The following FRAS1 variants were observed in gnomAD, a reference collection of about 807,000 sequenced individuals.
FRAS1 encodes the protein Fraser extracellular matrix complex subunit 1.
FRAS1 carries 290 observed loss-of-function variants against 435.2 expected under a neutral mutation model. The observed-to-expected ratio is 0.67, with a 90% CI of 0.61 to 0.73. The LOEUF is 0.73. Among genes scored for constraint, FRAS1 ranks in the 30% least tolerant of loss-of-function variants. The pLI is 0.00. For missense variants in FRAS1, 4,860 were observed against 5,001.5 expected, an observed-to-expected ratio of 0.97 and a Z score of 0.85; for synonymous variants, 1,800 against 1,851.0, an observed-to-expected ratio of 0.97 and a Z score of 0.71.
intron 40 of FRAS1, among the ~76,000 whole-genome samples, chr4:78,440,746 A>G (rs1471794199): frequency 6.6e-6 from 1 of 152,200 alleles, no homozygotes; most frequent in Non-Finnish European, 1.5e-5. Flanking sequence ...GAGAATGCCT[A>G]TAGGACACAG....
intron 2 of FRAS1, among the ~76,000 whole-genome samples, chr4:78,182,843 G>C (rs1429560761): frequency 6.9e-6 from 1 of 145,372 alleles, no homozygotes; most frequent in Non-Finnish European, 1.5e-5. Flanking sequence ...TCGTGCCACT[G>C]CACTCCAGCC....
At position 78,402,959 on chromosome 4, in the gene FRAS1, T is replaced by C. The variant is rs1732954746; in HGVS notation, c.4129+2072T>C. Among the ~76,000 whole-genome samples the C allele has an allele frequency of 2.0e-5, 3 of 152,180 alleles. No homozygotes were observed. In the South Asian group the frequency reaches 6.2e-4, roughly 32 times the overall value. On this transcript the variant is annotated intron_variant, in intron 30 of 73. Transcript: ENST00000512123. ...GTGCATCATCAGGAGGTACATAATC[T>C]CACTGCGTCTTATGACAGGTGATGT...
Position 78,508,737 on chromosome 4 carries a change from A to G in FRAS1, c.9511A>G (p.Thr3171Ala), listed in dbSNP as rs371473592. 2.5e-4 allele frequency: 404 copies of G among 1,613,586 alleles called. No homozygotes were observed. Among genetic ancestry groups the G allele is most frequent in the Non-Finnish European group, 3.2e-4 (382 of 1,179,778 alleles). ...CTTTGTTGCTCTTTCGCAGGTGGTCACACTTGCTGACTATGACCATGTGGA... is the reference window on the plus strand; with the variant it reads ...CTTTGTTGCTCTTTCGCAGGTGGTCGCACTTGCTGACTATGACCATGTGGA... Reference protein sequence around the residue: ...LILPAPPIVVTLADYDHVEEV... With the variant: ...LILPAPPIVVALADYDHVEEV... Residue 3171 changes from threonine (T) to alanine (A), a missense_variant, in exon 63 of 74, where the codon ACA (threonine) becomes GCA (alanine). By Grantham distance (58) the Thr-to-Ala change is moderately conservative. Coordinates refer to ENST00000512123, the MANE Select transcript of FRAS1 (RefSeq NM_025074.7).
intron 22 of FRAS1, among the ~76,000 whole-genome samples, chr4:78,368,665 C>G (rs1355424821): frequency 1.3e-5 from 2 of 152,120 alleles, no homozygotes; most frequent in Admixed American, 1.3e-4. Context: ...AATAATCACT[C>G]AAATGGAAAT....
Position 78,104,309 on chromosome 4 carries a change from T to C in FRAS1, c.108+38293T>C, listed in dbSNP as rs957562830. ...ATGTTAACATGTTTGCTCCATAATA[T>C]GCAAACAATTTAAAAATACTTAATA... On this transcript the variant is annotated intron_variant, in intron 2 of 73. Coordinates refer to ENST00000512123, the MANE Select transcript of FRAS1 (RefSeq NM_025074.7). 2.6e-5 allele frequency among the ~76,000 whole-genome samples: 4 copies of C among 152,306 alleles called. 1 individual carries two copies. The highest frequency in any genetic ancestry group is 6.5e-5 in the Admixed American group (1 of 15,300).
In FRAS1 at chr4:78,464,543, T is replaced by C. The variant is rs745685170; in HGVS notation, c.6989T>C (p.Ile2330Thr). 4 of 1,613,794 alleles carry C rather than the reference T, an allele frequency of 2.5e-6. No individual in the cohort carries two copies. The African/African-American group carries it at 4.0e-5, about 16-fold the overall frequency. Residue 2330 changes from isoleucine to threonine, a missense_variant, in exon 49 of 74, where the codon ATC becomes ACC. Coordinates refer to ENST00000512123, the MANE Select transcript of FRAS1 (RefSeq NM_025074.7). ...GTGCAGGAGGGCATGAGGAAGACCATCACAGAGTTTGAGCTTAAGGCGGTG... is the reference window on the plus strand; with the variant it reads ...GTGCAGGAGGGCATGAGGAAGACCACCACAGAGTTTGAGCTTAAGGCGGTG... ...MRVQEGMRKT[I>T]TEFELKAVDA...
chr4:78,183,546 C>A (rs1008258558), intron 2 of FRAS1, among the ~76,000 whole-genome samples: 2 of 152,150 alleles, frequency 1.3e-5, no homozygotes, highest in African/African-American at 2.4e-5. Flanking sequence ...CTGTTTTGGA[C>A]ATAATAAAGA....
chr4:78,169,765 AT>A (rs1287234608), intron 2 of FRAS1, among the ~76,000 whole-genome samples: 1 of 78,412 alleles, frequency 1.3e-5, no homozygotes. Flanking sequence ...TCAGAGGATT[AT>A]TTTCACAACT....
chr4:78,436,927 G>A (rs529814024), intron 38 of FRAS1, among the ~76,000 whole-genome samples: 207 of 152,146 alleles, frequency 1.4e-3, no homozygotes, highest in Non-Finnish European at 2.4e-3. Context: ...TGGGTTCATT[G>A]ATGTAAAAAT....
intron 2 of FRAS1, chr4:78,181,396 T>G: frequency 6.2e-7 from 1 of 1,611,976 alleles, no homozygotes; most frequent in Non-Finnish European, 8.5e-7. Flanking sequence ...ATCCGCTACC[T>G]CCACGTTTGT....
At chr4:78,481,432 A>T (rs1270157385) in intron 56 of FRAS1, among the ~76,000 whole-genome samples, 1 of 152,150 alleles carries the variant, frequency 6.6e-6, no homozygotes, top group Non-Finnish European at 1.5e-5. Flanking sequence ...CCAGGCTCTA[A>T]GTTTCTTCTC....
chr4:78,395,925 C>T (rs961676810), intron 29 of FRAS1, among the ~76,000 whole-genome samples: 8 of 151,750 alleles, frequency 5.3e-5, no homozygotes, highest in African/African-American at 1.9e-4. Context: ...TTCCTGTCTT[C>T]CTTTCTGTCT....
At chr4:78,229,787 A>G (rs1724443650) in intron 2 of FRAS1, among the ~76,000 whole-genome samples, 2 of 152,052 alleles carry the variant, frequency 1.3e-5, no homozygotes, top group African/African-American at 2.4e-5. Context: ...GCTCTGGACA[A>G]TTCACTCTGC....
At chr4:78,332,188 G>C (rs556044813) in intron 18 of FRAS1, among the ~76,000 whole-genome samples, 6 of 152,180 alleles carry the variant, frequency 3.9e-5, no homozygotes, top group Non-Finnish European at 8.8e-5. Flanking sequence ...TGATAAGGGA[G>C]GTGGTGGGAG....
chr4:78,446,430 A>G, intron 42 of FRAS1: 4 of 1,151,762 alleles, frequency 3.5e-6, no homozygotes, highest in Non-Finnish European at 4.3e-6. Flanking sequence ...TAATACTTGT[A>G]CTTGTCAAAG....
chr4:78,447,911 C>A, intron 43 of FRAS1, 142 bp from the exon 44 acceptor site: 1 of 660,878 alleles, frequency 1.5e-6, no homozygotes, highest in South Asian at 2.3e-5. Context: ...ATGTAAAATG[C>A]TAAGCTGTTG....
intron 2 of FRAS1, among the ~76,000 whole-genome samples, chr4:78,090,734 C>A (rs1385477717): frequency 6.6e-6 from 1 of 151,774 alleles, no homozygotes; most frequent in Admixed American, 6.6e-5. Context: ...ATTTTTTTTT[C>A]TACAAGTCGA....
rs529747649 is a variant in FRAS1 at position 78,192,606 on chromosome 4, A to G, written c.109-44904A>G. ...TGATGGTAGTTTGTATTTCTGTGGGATAGGTGGTGATATCCCCTTTGTCAT... is the reference window on the plus strand; with the variant it reads ...TGATGGTAGTTTGTATTTCTGTGGGGTAGGTGGTGATATCCCCTTTGTCAT... On this transcript the variant is annotated intron_variant, in intron 2 of 73. Transcript: ENST00000512123. 3.4e-3 allele frequency among the ~76,000 whole-genome samples: 512 copies of G among 152,182 alleles called. 5 individuals carry two copies. The highest frequency in any genetic ancestry group is 0.012 in the African/African-American group (493 of 41,520).
At chr4:78,108,588 A>G (rs1210147850) in intron 2 of FRAS1, among the ~76,000 whole-genome samples, 7 of 98,578 alleles carry the variant, frequency 7.1e-5, no homozygotes, top group East Asian at 2.6e-4. Context: ...TCTCTGGGAC[A>G]CATTCAAAGC....
Sources: allele counts gnomAD v4.1 joint callset (sites outside exome capture counted in the v4.1 genomes callset), GRCh38; gene constraint gnomAD v4.1.1; transcripts MANE v1.5; gene names NCBI Gene and HGNC (gene_info 2026-07-23, HGNC 2026-07-21).